The following EIF2AK1 variants were observed in gnomAD, a reference collection of about 807,000 sequenced individuals.
EIF2AK1 encodes the protein eukaryotic translation initiation factor 2-alpha kinase 1.
Under a neutral mutation model 77.9 loss-of-function variants are expected in EIF2AK1, and 54 were observed. That is an observed-to-expected ratio of 0.69 (90% confidence interval 0.56 to 0.87). The LOEUF is 0.87. Ranked by LOEUF, EIF2AK1 falls within the 40% of genes least tolerant of loss-of-function variation. The probability of loss-of-function intolerance (pLI) is 0.00; values close to 1 mark genes in which losing one functional copy is unlikely to be tolerated. For synonymous variants in EIF2AK1, 314 were observed against 290.5 expected, an observed-to-expected ratio of 1.08 and a Z score of -0.82; for missense variants, 810 against 768.6, an observed-to-expected ratio of 1.05 and a Z score of -0.64.
chr7:6,056,097 A>T (rs1396457358), intron 1 of EIF2AK1, among the ~76,000 whole-genome samples: 1 of 150,804 alleles, frequency 6.6e-6, no homozygotes, highest in Non-Finnish European at 1.5e-5. Context: ...GCTCAGGACC[A>T]GCCTGGCCAA....
chr7:6,050,067 C>A, intron 2 of EIF2AK1, 22 bp from the exon 3 acceptor site: 1 of 1,581,046 alleles, frequency 6.3e-7, no homozygotes, highest in South Asian at 1.2e-5. Flanking sequence ...ATATGAAAAA[C>A]TATTATTAGA....
chr7:6,045,938 T>C, intron 6 of EIF2AK1, 133 bp downstream of exon 6: 1 of 527,816 alleles, frequency 1.9e-6, no homozygotes. Flanking sequence ...GGTACTTTAC[T>C]ATAACCCCAT....
At position 6,042,191 on chromosome 7, in the gene EIF2AK1, C is replaced by T. The variant is rs571355397; in HGVS notation, c.791+742G>A. Among the ~76,000 whole-genome samples, 7 of 152,184 alleles carry T rather than the reference C, an allele frequency of 4.6e-5. No individual in the cohort carries two copies. The South Asian group carries it at 1.5e-3, about 32-fold the overall frequency. On this transcript the variant is annotated intron_variant, in intron 8 of 14. Transcript: ENST00000199389. The stretch of plus-strand genomic sequence containing the variant: ...ATAGGCCAGGTGCAGTGGCTCACAA[C>T]TGTAATCCCAGCACTTTGGGAGGCC...
intron 4 of EIF2AK1, chr7:6,047,586 T>C (rs1465043586): frequency 3.3e-5 from 6 of 182,382 alleles, no homozygotes; most frequent in South Asian, 9.9e-5. Context: ...TGCAGGAGAA[T>C]TGCTTGAACC....
chr7:6,049,342 G>C (rs1583495638), intron 3 of EIF2AK1, among the ~76,000 whole-genome samples: 1 of 152,166 alleles, frequency 6.6e-6, no homozygotes, highest in Admixed American at 6.6e-5. Flanking sequence ...AGGAGTTCGA[G>C]ACCAGCCTGG....
Position 6,050,259 on chromosome 7 carries a change from A to G in EIF2AK1, c.278-214T>C, listed in dbSNP as rs541716836. 2.0e-5 allele frequency among the ~76,000 whole-genome samples: 3 copies of G among 152,338 alleles called. No individual in the cohort carries two copies. In the East Asian group the frequency reaches 5.8e-4, roughly 29 times the overall value. On this transcript the variant is annotated intron_variant, in intron 2 of 14. Coordinates refer to ENST00000199389, the MANE Select transcript of EIF2AK1 (RefSeq NM_014413.4). ...TGAGACAGAGAGTGCAGTGACAACT[A>G]TCTTGGCTCACTGTAACCTCCACCT...
At chr7:6,029,318 G>A (rs1787834139) in intron 11 of EIF2AK1, among the ~76,000 whole-genome samples, 1 of 151,900 alleles carries the variant, frequency 6.6e-6, no homozygotes, top group Non-Finnish European at 1.5e-5. Flanking sequence ...TGGCCAACAT[G>A]GTGAAAAACC....
intron 10 of EIF2AK1, 112 bp downstream of exon 10, chr7:6,038,448 A>T (rs3847023): frequency 0.56 from 378,465 of 680,852 alleles, 106,685 homozygotes; most frequent in Middle Eastern, 0.61. Flanking sequence ...CAAAAAAATA[A>T]AATAAATAAA....
chr7:6,044,917 C>T (rs1044826052), intron 6 of EIF2AK1, among the ~76,000 whole-genome samples: 2 of 151,944 alleles, frequency 1.3e-5, no homozygotes, highest in African/African-American at 4.8e-5. Context: ...TGTAAGTGTT[C>T]GAAGCACATT....
In EIF2AK1 at chr7:6,041,003, A is replaced by G; in HGVS notation, c.1008T>C (p.Ser336=). ...GTGGCAGCTGCTGTTCCACAATTGAACTGGCAGACAAACCAGCCAAGCCAT... is the reference window on the plus strand; with the variant it reads ...GTGGCAGCTGCTGTTCCACAATTGAGCTGGCAGACAAACCAGCCAAGCCAT... The part of the protein sequence containing the change: ...QENGLAGLSA[S]SIVEQQLPLR... The change falls in exon 9 of 15, where the codon AGT becomes AGC. Residue 336 remains serine, a synonymous_variant. Transcript: ENST00000199389. The G allele has an allele frequency of 6.2e-7, 1 of 1,614,154 alleles. No individual in the cohort carries two copies.
chr7:6,024,515 G>GGGGCAGGAA lies in EIF2AK1; in HGVS notation c.*149_*157dup. On this transcript the variant is annotated 3_prime_UTR_variant, in exon 15 of 15. Coordinates refer to ENST00000199389, the MANE Select transcript of EIF2AK1 (RefSeq NM_014413.4). ...AGGAAATTCAGGAAAAGGAGCTTGT[G>GGGGCAGGAA]GGGCAGGAAGGGAAGGAACGGCAGC... 7.0e-7 allele frequency: 1 copy of GGGGCAGGAA among 1,437,602 alleles called. No individual in the cohort carries two copies. Among genetic ancestry groups the GGGGCAGGAA allele is most frequent in the Non-Finnish European group, 9.1e-7 (1 of 1,102,132 alleles). 89.1% of individuals were successfully genotyped at this position (1,437,602 alleles called of 1,614,324 possible).
rs926430593 is a variant in EIF2AK1 at position 6,023,354 on chromosome 7, G to A, written c.*1319C>T. ...ATCCAGACGATGTGCCCCATCGAAGGCGAAGGGAACATTGCACGTTTCTTG... is the reference window on the plus strand; with the variant it reads ...ATCCAGACGATGTGCCCCATCGAAGACGAAGGGAACATTGCACGTTTCTTG... On this transcript the variant is annotated 3_prime_UTR_variant, in exon 15 of 15. Coordinates refer to ENST00000199389, the MANE Select transcript of EIF2AK1 (RefSeq NM_014413.4). The A allele has an allele frequency of 1.9e-6, 3 of 1,612,288 alleles. No homozygotes were observed. In the African/African-American group the frequency reaches 4.0e-5, roughly 22 times the overall value.
chr7:6,036,270 A>G lies in EIF2AK1; in HGVS notation c.1332+1154T>C, dbSNP rs1352430686. The G allele has an allele frequency of 2.6e-6, 4 of 1,549,980 alleles. No individual in the cohort carries two copies. The highest frequency in any genetic ancestry group is 3.5e-6 in the Non-Finnish European group (4 of 1,146,868). On this transcript the variant is annotated intron_variant, in intron 11 of 14. Coordinates refer to ENST00000199389, the MANE Select transcript of EIF2AK1 (RefSeq NM_014413.4). This position sits in a 1 kb window ranked among gnomAD's most constrained non-coding sequence, Gnocchi z 4.6. ...ACCTTTATCCCTACAGGGTATCTGCAAAAGAAACATCAGGAATATTTATGG... is the reference window on the plus strand; with the variant it reads ...ACCTTTATCCCTACAGGGTATCTGCGAAAGAAACATCAGGAATATTTATGG...
At chr7:6,051,608 T>G (rs934458367) in intron 2 of EIF2AK1, among the ~76,000 whole-genome samples, 4 of 151,986 alleles carry the variant, frequency 2.6e-5, no homozygotes, top group African/African-American at 9.7e-5. Context: ...TTTTGTATTT[T>G]TAGTAGAGAT....
intron 1 of EIF2AK1, among the ~76,000 whole-genome samples, chr7:6,057,908 C>T (rs548826552): frequency 2.2e-4 from 34 of 152,210 alleles, no homozygotes; most frequent in African/African-American, 8.2e-4. Flanking sequence ...GGATTACAGG[C>T]GTGACCCCAC....
intron 13 of EIF2AK1, chr7:6,028,017 G>A: frequency 2.2e-6 from 1 of 451,422 alleles, no homozygotes; most frequent in Non-Finnish European, 4.4e-6. Context: ...GAGCTATGAT[G>A]ACACCACTGC....
chr7:6,050,599 TCTC>T (rs1430680502), intron 2 of EIF2AK1, among the ~76,000 whole-genome samples: 1 of 147,118 alleles, frequency 6.8e-6, no homozygotes, highest in African/African-American at 2.5e-5. Flanking sequence ...TATAATTACT[TCTC>T]TTTTTTTTTT....
intron 11 of EIF2AK1, among the ~76,000 whole-genome samples, chr7:6,029,795 C>G (rs1376090411): frequency 6.6e-6 from 1 of 152,004 alleles, no homozygotes; most frequent in African/African-American, 2.4e-5. Context: ...CCAGGCTGGC[C>G]AACATGGTGA....
intron 10 of EIF2AK1, 71 bp from the exon 11 acceptor site, chr7:6,037,595 G>A: frequency 2.2e-6 from 2 of 909,382 alleles, no homozygotes; most frequent in East Asian, 2.4e-5. Flanking sequence ...AAATATTAAT[G>A]TCATTCTAAA....
Sources: allele counts gnomAD v4.1 joint callset (sites outside exome capture counted in the v4.1 genomes callset), GRCh38; gene constraint gnomAD v4.1.1; non-coding constraint Gnocchi (gnomAD v3.1); transcripts MANE v1.5; gene names NCBI Gene and HGNC (gene_info 2026-07-23, HGNC 2026-07-21).